MAPRE2: variants seen among roughly 807,000 people sequenced by gnomAD.
MAPRE2 encodes the protein microtubule-associated protein RP/EB family member 2.
MAPRE2 carries 13 observed loss-of-function variants against 43.2 expected under a neutral mutation model. The observed-to-expected ratio is 0.30, with a 90% CI of 0.20 to 0.48. The LOEUF is 0.48. Among genes scored for constraint, MAPRE2 ranks in the 20% least tolerant of loss-of-function variants. MAPRE2 has a pLI of 0.99. For synonymous variants in MAPRE2, 135 were observed against 148.8 expected (o/e 0.91, Z 0.68); for missense variants, 161 against 400.2 (o/e 0.40, Z 5.10).
intron 2 of MAPRE2, among the ~76,000 whole-genome samples, chr18:35,086,803 T>TA (rs1243051621): frequency 6.6e-6 from 1 of 152,144 alleles, no homozygotes; most frequent in East Asian, 1.9e-4. Context: ...TAAAAATACT[T>TA]ACCTCTTAAG....
chr18:35,025,533 T>C (rs1283123139), intron 2 of MAPRE2, among the ~76,000 whole-genome samples: 3 of 152,230 alleles, frequency 2.0e-5, no homozygotes, highest in Admixed American at 2.0e-4. Flanking sequence ...GTTATAAAGA[T>C]GAGACAGTCG....
At chr18:34,985,587 T>TATAATATATAACATATGATATATTATA (rs2097020354) in intron 1 of MAPRE2, among the ~76,000 whole-genome samples, 2 of 77,648 alleles carry the variant, frequency 2.6e-5, no homozygotes, top group African/African-American at 1.0e-4. Context: ...AACTATAAAC[T>TATAATATATAACATATGATATATTATA]ATAATATATA....
chr18:35,024,689 G>A (rs994078617), intron 2 of MAPRE2, among the ~76,000 whole-genome samples: 1 of 152,050 alleles, frequency 6.6e-6, no homozygotes, highest in African/African-American at 2.4e-5. Flanking sequence ...ATATTCAAGG[G>A]GAATTTAGAA....
intron 2 of MAPRE2, among the ~76,000 whole-genome samples, chr18:35,017,648 A>C (rs2150586054): frequency 6.6e-6 from 1 of 151,844 alleles, no homozygotes; most frequent in African/African-American, 2.4e-5. Flanking sequence ...GTGAATGGAA[A>C]TGTTACTTAT....
intron 1 of MAPRE2, among the ~76,000 whole-genome samples, chr18:35,004,918 C>CAA (rs576525353): frequency 4.1e-4 from 36 of 86,790 alleles, no homozygotes; most frequent in Admixed American, 6.4e-4. Flanking sequence ...ACTCCATCTC[C>CAA]AAAAAAAAAA....
At chr18:35,074,905 C>A (rs954799743) in intron 2 of MAPRE2, among the ~76,000 whole-genome samples, 1 of 152,050 alleles carries the variant, frequency 6.6e-6, no homozygotes, top group Non-Finnish European at 1.5e-5. Flanking sequence ...TTTTCCTGAG[C>A]ATTTTAGTAT....
chr18:35,057,404 T>C (rs916106071), intron 1 of MAPRE2, among the ~76,000 whole-genome samples: 2 of 152,080 alleles, frequency 1.3e-5, no homozygotes, highest in African/African-American at 4.8e-5. Flanking sequence ...CCTTTGAAAA[T>C]TGTAGTGATA....
At chr18:35,064,000 TAAAAAAAAAAAAAAA>T (rs575347953) in intron 1 of MAPRE2, among the ~76,000 whole-genome samples, 20 of 33,972 alleles carry the variant, frequency 5.9e-4, no homozygotes, top group South Asian at 1.8e-3. Flanking sequence ...CCTGTCTCTT[TAAAAAAAAAAAAAAA>T]AAAAAAAAAA....
chr18:35,090,598 G>C (rs949733504), intron 2 of MAPRE2, among the ~76,000 whole-genome samples: 2 of 151,960 alleles, frequency 1.3e-5, no homozygotes, highest in African/African-American at 4.8e-5. Context: ...CAGTTGTGGT[G>C]GTGGGTGCCT....
chr18:35,107,579 G>A (rs1908965617), intron 4 of MAPRE2, among the ~76,000 whole-genome samples: 1 of 152,128 alleles, frequency 6.6e-6, no homozygotes, highest in Admixed American at 6.6e-5. Context: ...ATAGCAGTAA[G>A]GAGTGGTTTT....
intron 2 of MAPRE2, among the ~76,000 whole-genome samples, chr18:35,029,419 A>G (rs180825704): frequency 1.9e-3 from 295 of 152,244 alleles, no homozygotes; most frequent in African/African-American, 6.7e-3. Flanking sequence ...CTTCCTTCCA[A>G]TGTCCCTGGT....
At chr18:35,018,270 C>A (rs1200206611) in intron 2 of MAPRE2, among the ~76,000 whole-genome samples, 2 of 151,724 alleles carry the variant, frequency 1.3e-5, no homozygotes, top group East Asian at 3.9e-4. Context: ...ATGTAGTTTT[C>A]TTTTTTTGTT....
chr18:34,978,335 G>T (rs553544148), intron 1 of MAPRE2: 2 of 660,064 alleles, frequency 3.0e-6, no homozygotes, highest in Non-Finnish European at 5.4e-6. Flanking sequence ...GCGCCCGCGC[G>T]CACCGAAACG....
chr18:35,135,910 C>T (rs1164478029), intron 6 of MAPRE2, among the ~76,000 whole-genome samples: 1 of 152,244 alleles, frequency 6.6e-6, no homozygotes, highest in Non-Finnish European at 1.5e-5. Flanking sequence ...CAGGTTGCAG[C>T]ACATGCTGTT....
chr18:35,128,126 A>C (rs1018668483), intron 5 of MAPRE2, among the ~76,000 whole-genome samples: 1 of 152,254 alleles, frequency 6.6e-6, no homozygotes, highest in Non-Finnish European at 1.5e-5. Flanking sequence ...ATCTAGTTTA[A>C]TGGAGGCAGT....
chr18:35,107,038 G>A (rs191706872), intron 4 of MAPRE2, among the ~76,000 whole-genome samples: 1 of 152,130 alleles, frequency 6.6e-6, no homozygotes, highest in Non-Finnish European at 1.5e-5. Context: ...CTATAGCAAC[G>A]ACAGCTAAGA....
intron 1 of MAPRE2, 100 bp from the exon 2 acceptor site, chr18:35,070,095 C>G (rs548279306): frequency 1.3e-5 from 12 of 929,178 alleles, no homozygotes; most frequent in East Asian, 8.2e-5. Context: ...AGGACTTTTA[C>G]ATGCCCTGGA....
At chr18:35,017,841 G>T (rs2097039427) in intron 2 of MAPRE2, among the ~76,000 whole-genome samples, 1 of 151,190 alleles carries the variant, frequency 6.6e-6, no homozygotes, top group East Asian at 1.9e-4. Flanking sequence ...ATTGTTCTGG[G>T]TAGCACTTCC....
intron 4 of MAPRE2, among the ~76,000 whole-genome samples, chr18:35,124,819 C>A (rs1174096572): frequency 6.6e-6 from 1 of 152,188 alleles, no homozygotes; most frequent in African/African-American, 2.4e-5. Flanking sequence ...CACCCTGCCT[C>A]CCCTGCCTGC....
Sources: allele counts gnomAD v4.1 joint callset (sites outside exome capture counted in the v4.1 genomes callset), GRCh38; gene constraint gnomAD v4.1.1; transcripts MANE v1.5; gene names NCBI Gene and HGNC (gene_info 2026-07-23, HGNC 2026-07-21).